The following SNRPN variants were observed in gnomAD, a reference collection of about 807,000 sequenced individuals.
SNRPN encodes the protein small nuclear ribonucleoprotein polypeptide N.
SNRPN carries 7 observed loss-of-function variants against 25.2 expected under a neutral mutation model. The observed-to-expected ratio is 0.28, with a 90% CI of 0.16 to 0.52. The LOEUF is 0.52. Among genes scored for constraint, SNRPN ranks in the 20% least tolerant of loss-of-function variants. SNRPN has a pLI of 0.96. For missense variants in SNRPN, 196 were observed against 322.5 expected, an observed-to-expected ratio of 0.61 and a Z score of 3.00; for synonymous variants, 124 against 110.6, an observed-to-expected ratio of 1.12 and a Z score of -0.76.
At chr15:24,897,756 G>A (rs1332176888) in intron 2 of SNRPN, among the ~76,000 whole-genome samples, 1 of 152,098 alleles carries the variant, frequency 6.6e-6, no homozygotes, top group Non-Finnish European at 1.5e-5. Context: ...GAGTTCCCCT[G>A]CACAAGCGCT....
At chr15:24,901,764 A>G (rs1397167880) in intron 2 of SNRPN, among the ~76,000 whole-genome samples, 1 of 152,236 alleles carries the variant, frequency 6.6e-6, no homozygotes, top group Non-Finnish European at 1.5e-5. Flanking sequence ...TGACTAAGTT[A>G]AATTTTCAAG....
chr15:24,864,222 G>A (rs1313181990), intron 1 of SNRPN, among the ~76,000 whole-genome samples: 1 of 139,148 alleles, frequency 7.2e-6, no homozygotes, highest in South Asian at 2.1e-4. Context: ...TAGAGACGGG[G>A]TTTCACCATG....
chr15:24,835,853 C>T (rs1372107903), intron 2 of SNRPN, among the ~76,000 whole-genome samples: 2 of 152,136 alleles, frequency 1.3e-5, no homozygotes, highest in East Asian at 1.9e-4. Flanking sequence ...TTAAGAGAGA[C>T]AGGGTCTCGC....
At chr15:24,882,269 T>A (rs2056765555) in intron 1 of SNRPN, among the ~76,000 whole-genome samples, 1 of 152,214 alleles carries the variant, frequency 6.6e-6, no homozygotes, top group Admixed American at 6.5e-5. Flanking sequence ...TAGATTCAGA[T>A]TTTAATTAAA....
chr15:24,863,012 C>T (rs1430371117), intron 1 of SNRPN, among the ~76,000 whole-genome samples: 2 of 150,952 alleles, frequency 1.3e-5, no homozygotes, highest in Non-Finnish European at 2.9e-5. Flanking sequence ...TGCGGACTGC[C>T]TTCTGTGGGG....
At chr15:24,967,426 G>T (rs1230570109) in intron 2 of SNRPN, among the ~76,000 whole-genome samples, 5 of 151,938 alleles carry the variant, frequency 3.3e-5, no homozygotes, top group African/African-American at 1.2e-4. Flanking sequence ...GATCACCTGA[G>T]GTCATGAGTT....
chr15:24,936,957 A>G (rs1188508308), intron 3 of SNRPN, among the ~76,000 whole-genome samples: 1 of 152,138 alleles, frequency 6.6e-6, no homozygotes, highest in Non-Finnish European at 1.5e-5. Context: ...ATAAAGTAAT[A>G]AAACCGGCCA....
chr15:24,948,967 G>GA (rs1438392673), intron 3 of SNRPN, among the ~76,000 whole-genome samples: 1 of 137,510 alleles, frequency 7.3e-6, no homozygotes, highest in Non-Finnish European at 1.5e-5. Flanking sequence ...CCCATCCCCT[G>GA]AAAATCACTA....
At chr15:24,865,414 C>T (rs1291117209) in intron 1 of SNRPN, among the ~76,000 whole-genome samples, 1 of 152,166 alleles carries the variant, frequency 6.6e-6, no homozygotes, top group Non-Finnish European at 1.5e-5. Context: ...GACACAAAGG[C>T]AGACAAGTAC....
intron 3 of SNRPN, among the ~76,000 whole-genome samples, chr15:24,969,424 C>T (rs369613074): frequency 8.2e-4 from 125 of 152,276 alleles, no homozygotes; most frequent in African/African-American, 2.6e-3. Flanking sequence ...CTACCGCGCC[C>T]GGCCCATTTT....
At chr15:24,884,893 T>C (rs904553182) in intron 1 of SNRPN, among the ~76,000 whole-genome samples, 1 of 151,964 alleles carries the variant, frequency 6.6e-6, no homozygotes, top group Non-Finnish European at 1.5e-5. Context: ...AGATGCAGAG[T>C]GCACTGAAAA....
intron 1 of SNRPN, among the ~76,000 whole-genome samples, chr15:24,863,003 G>A (rs2054140409): frequency 6.6e-6 from 1 of 151,052 alleles, no homozygotes; most frequent in African/African-American, 2.5e-5. Flanking sequence ...GCTGCTCCCT[G>A]CGGACTGCCT....
chr15:24,946,285 T>A (rs1261423888), intron 3 of SNRPN, among the ~76,000 whole-genome samples: 2 of 152,088 alleles, frequency 1.3e-5, no homozygotes, highest in Non-Finnish European at 2.9e-5. Context: ...CTTATGCCTG[T>A]AATCCCAGGT....
chr15:24,929,758 T>C lies in SNRPN; in HGVS notation c.-391+9634T>C, dbSNP rs28620403. 6.4e-3 allele frequency among the ~76,000 whole-genome samples: 968 copies of C among 152,324 alleles called. 13 individuals are homozygous for C. Among genetic ancestry groups the C allele is most frequent in the African/African-American group, 0.022 (895 of 41,588 alleles). On this transcript the variant is annotated intron_variant, in intron 3 of 11. Coordinates refer to the SNRPN transcript ENST00000400097. This position sits in a 1 kb window ranked among gnomAD's most constrained non-coding sequence, Gnocchi z 5.3. ...GTAGACAGCATGAGAGCAGGGTCCA[T>C]GTGATGATTTTTCTGTCAGTATCAG...
At chr15:24,954,432 G>A (rs2062522911), upstream of SNRPN, among the ~76,000 whole-genome samples, 2 of 152,076 alleles carry the variant, frequency 1.3e-5, no homozygotes, top group South Asian at 4.1e-4. Flanking sequence ...TGATTTTGGG[G>A]GAGATAATTT....
At chr15:24,875,891 C>G (rs1415953338) in intron 1 of SNRPN, among the ~76,000 whole-genome samples, 2 of 151,198 alleles carry the variant, frequency 1.3e-5, no homozygotes, top group African/African-American at 2.4e-5. Flanking sequence ...CCATCTCTAC[C>G]AAAAATACAA....
Position 24,914,474 on chromosome 15 carries a change from C to T in SNRPN, c.-504-5537C>T, listed in dbSNP as rs1454037282. Among the ~76,000 whole-genome samples the T allele has an allele frequency of 3.9e-5, 6 of 152,116 alleles. 1 individual carries two copies. The South Asian group carries it at 1.0e-3, about 26-fold the overall frequency. ...TTTTGGGAGGCTGAGGCAAGGGGAT[C>T]GATCACTTGAGCCCAGGGTTTGAGA... On this transcript the variant is annotated intron_variant, in intron 2 of 11. Coordinates refer to the SNRPN transcript ENST00000400097.
At chr15:24,922,435 T>A (rs1206194741) in intron 3 of SNRPN, among the ~76,000 whole-genome samples, 1 of 152,204 alleles carries the variant, frequency 6.6e-6, no homozygotes, top group East Asian at 1.9e-4. Flanking sequence ...AAAAATTGCA[T>A]ACAATACAGT....
chr15:24,871,500 G>A (rs138734767), intron 1 of SNRPN, among the ~76,000 whole-genome samples: 20 of 151,900 alleles, frequency 1.3e-4, no homozygotes, highest in Middle Eastern at 3.4e-3. Flanking sequence ...TATATCTTAC[G>A]GTGATTTAGA....
Sources: gnomAD v4.1 joint callset for allele counts (sites outside exome capture counted in the v4.1 genomes callset) on GRCh38, gnomAD v4.1.1 for gene constraint, Gnocchi (gnomAD v3.1) non-coding constraint, MANE v1.5 for transcripts, NCBI Gene and HGNC (gene_info 2026-07-23, HGNC 2026-07-21) for gene names.